DIP2C: variants seen among roughly 807,000 people sequenced by gnomAD.
DIP2C encodes disco-interacting protein 2 homolog C.
A neutral mutation model predicts 192.4 loss-of-function variants in DIP2C; 33 were observed. The observed-to-expected ratio is 0.17, with a 90% CI of 0.13 to 0.23. The LOEUF (loss-of-function observed/expected upper bound fraction) is 0.23. DIP2C is among the 10% of genes least tolerant of loss of function. The pLI is 1.00. For synonymous variants in DIP2C, 979 were observed against 864.1 expected, an observed-to-expected ratio of 1.13 and a Z score of -2.33; for missense variants, 1,537 against 2,110.1, an observed-to-expected ratio of 0.73 and a Z score of 5.32.
In DIP2C at chr10:411,996, A is replaced by G. The variant is rs563681288; in HGVS notation, c.1057+1917T>C. On this transcript the variant is annotated intron_variant, in intron 8 of 36. Transcript: ENST00000280886. ...AATACAACATATAGATGATTAAAAT[A>G]CAACATATAAAGGAGTTAAAATGCT... is the stretch of plus-strand genomic sequence containing the variant. Among the ~76,000 whole-genome samples, 6 of 152,386 alleles carry G rather than the reference A, an allele frequency of 3.9e-5. No homozygotes were observed. The South Asian group carries it at 1.2e-3, about 32-fold the overall frequency.
At chr10:399,933 TC>T (rs2133022833) in intron 9 of DIP2C, among the ~76,000 whole-genome samples, 1 of 152,214 alleles carries the variant, frequency 6.6e-6, no homozygotes, top group East Asian at 1.9e-4. Flanking sequence ...CACCAACCCA[TC>T]CTGCCAGCTC....
chr10:619,543 C>A (rs975261091), intron 1 of DIP2C, among the ~76,000 whole-genome samples: 2 of 140,680 alleles, frequency 1.4e-5, no homozygotes, highest in African/African-American at 2.6e-5. Flanking sequence ...GCCCGCCCGC[C>A]CTCCCACCCA....
Position 277,342 on chromosome 10 carries a change from C to T in DIP2C, c.4654G>A (p.Val1552Met), listed in dbSNP as rs1277491736. The T allele has an allele frequency of 6.2e-7, 1 of 1,614,122 alleles. No individual in the cohort carries two copies. The highest frequency in any genetic ancestry group is 1.3e-5 in the African/African-American group (1 of 75,046). Residue 1552 changes from valine (V) to methionine (M), a missense_variant, in exon 37 of 37, where the codon GTG becomes ATG. Val to Met is a conservative substitution (Grantham distance 21, BLOSUM62 1). Coordinates refer to ENST00000280886, the MANE Select transcript of DIP2C (RefSeq NM_014974.3). The part of the protein sequence containing the change: ...FLADQLDPIY[V>M]AYNM ...AGACGAGACTACATGTTGTAGGCCA[C>T]ATAGATGGGGTCTAGCTGGTCTGCC...
chr10:359,344 G>A (rs989445909), intron 22 of DIP2C, among the ~76,000 whole-genome samples: 4 of 152,186 alleles, frequency 2.6e-5, no homozygotes, highest in African/African-American at 9.7e-5. Flanking sequence ...AGCTGCGCAG[G>A]AGAAGGCACG....
chr10:685,162 ATATATATATATATATATATATATAC>A lies in DIP2C; in HGVS notation c.85+4307_85+4331del, dbSNP rs1428713596. ...AAAAAAAAAAAAAAAAAAAAAAAAA[ATATATATATATATATATATATATAC>A]ATATATATATATATATATATAAACA... On this transcript the variant is annotated intron_variant, in intron 1 of 36. Coordinates refer to ENST00000280886, the MANE Select transcript of DIP2C (RefSeq NM_014974.3). Among the ~76,000 whole-genome samples, 38 of 16,760 alleles carry A rather than the reference ATATATATATATATATATATATATAC, an allele frequency of 2.3e-3. 2 individuals carry two copies. Among genetic ancestry groups the A allele is most frequent in the East Asian group, 9.9e-3 (5 of 504 alleles). 11.0% of individuals were successfully genotyped at this position (16,760 alleles called of 152,430 possible).
chr10:340,250 T>C (rs950020688), intron 29 of DIP2C, among the ~76,000 whole-genome samples: 4 of 152,004 alleles, frequency 2.6e-5, no homozygotes, highest in Non-Finnish European at 4.4e-5. Context: ...CTGTAGCGTC[T>C]CAGTTTTATA....
intron 4 of DIP2C, among the ~76,000 whole-genome samples, chr10:435,216 G>A (rs1967080296): frequency 6.6e-6 from 1 of 152,144 alleles, no homozygotes; most frequent in Non-Finnish European, 1.5e-5. Context: ...GTTGGAGTTG[G>A]ATATTTCCTT....
intron 1 of DIP2C, among the ~76,000 whole-genome samples, chr10:555,980 C>CA (rs2130967434): frequency 6.6e-6 from 1 of 152,196 alleles, no homozygotes; most frequent in South Asian, 2.1e-4. Context: ...ACCCTGCCCC[C>CA]AACACACCTC....
chr10:588,655 G>A (rs1434674262), intron 1 of DIP2C, among the ~76,000 whole-genome samples: 1 of 152,224 alleles, frequency 6.6e-6, no homozygotes, highest in African/African-American at 2.4e-5. Flanking sequence ...AGGGCCAAGA[G>A]GGGCTGCTGT....
chr10:281,024 G>A (rs547022599), intron 36 of DIP2C, among the ~76,000 whole-genome samples, 176 bp downstream of exon 36: 15 of 152,312 alleles, frequency 9.8e-5, no homozygotes, highest in African/African-American at 2.6e-4. Flanking sequence ...AACTCTACAT[G>A]TGGCATGTTC....
intron 2 of DIP2C, among the ~76,000 whole-genome samples, chr10:475,775 T>G (rs547110335): frequency 3.5e-4 from 54 of 152,314 alleles, no homozygotes; most frequent in Non-Finnish European, 6.8e-4. Flanking sequence ...AGGCTGCAAG[T>G]GGCTTAACGA....
At chr10:615,425 C>G (rs1853392705) in intron 1 of DIP2C, among the ~76,000 whole-genome samples, 2 of 152,230 alleles carry the variant, frequency 1.3e-5, no homozygotes, top group African/African-American at 4.8e-5. Context: ...CTGGCTTCCT[C>G]AGGGACGCTA....
At chr10:376,641 T>C (rs1017269699) in intron 17 of DIP2C, among the ~76,000 whole-genome samples, 3 of 151,590 alleles carry the variant, frequency 2.0e-5, no homozygotes, top group Admixed American at 1.3e-4. Context: ...TAGATGGACG[T>C]AAATCAGCCC....
chr10:521,294 G>C (rs1328607956), intron 1 of DIP2C, among the ~76,000 whole-genome samples: 1 of 152,138 alleles, frequency 6.6e-6, no homozygotes, highest in Non-Finnish European at 1.5e-5. Flanking sequence ...CCTCCCCTGA[G>C]GCATCTGGAA....
intron 1 of DIP2C, among the ~76,000 whole-genome samples, chr10:617,633 T>C (rs1853559786): frequency 1.3e-5 from 2 of 150,266 alleles, no homozygotes. Context: ...CCAGCCCCAC[T>C]GTCCAGGCTC....
intron 7 of DIP2C, among the ~76,000 whole-genome samples, chr10:414,902 ATATATT>A (rs780304990): frequency 1.1e-4 from 11 of 102,036 alleles, no homozygotes; most frequent in East Asian, 2.4e-4. Context: ...ATATATATAT[ATATATT>A]TTTTTTTTTT....
Position 362,486 on chromosome 10 carries a change from A to G in DIP2C, c.2794+4T>C, listed in dbSNP as rs1018091058. 10 of 1,613,118 alleles carry G rather than the reference A, an allele frequency of 6.2e-6. No homozygotes were observed. The highest frequency in any genetic ancestry group is 2.2e-5 in the South Asian group (2 of 90,978). ...CTCACAAGCTGCCCAAGTGGTGCAC[A>G]TACCTGGCTGCTTCTGTCGAGGCTT... On this transcript the variant is annotated splice_donor_region_variant and intron_variant, in intron 22 of 36. Coordinates refer to ENST00000280886, the MANE Select transcript of DIP2C (RefSeq NM_014974.3).
At chr10:430,689 G>A (rs1427005572) in intron 4 of DIP2C, among the ~76,000 whole-genome samples, 1 of 152,174 alleles carries the variant, frequency 6.6e-6, no homozygotes, top group Admixed American at 6.5e-5. Flanking sequence ...TTGGAGTCCA[G>A]CTTATCAATT....
chr10:447,752 G>C (rs1409519214), intron 3 of DIP2C, among the ~76,000 whole-genome samples: 1 of 114,796 alleles, frequency 8.7e-6, no homozygotes, highest in African/African-American at 5.3e-5. Flanking sequence ...CAGTAGGGCA[G>C]CAGGACCCAC....
Sources: allele counts gnomAD v4.1 joint callset (sites outside exome capture counted in the v4.1 genomes callset), GRCh38; gene constraint gnomAD v4.1.1; transcripts MANE v1.5; gene names NCBI Gene and HGNC (gene_info 2026-07-23, HGNC 2026-07-21).